Variants in KCTD2 observed in about 807,000 individuals in gnomAD.
KCTD2 encodes BTB/POZ domain-containing protein KCTD2.
A neutral mutation model predicts 27.9 loss-of-function variants in KCTD2; 18 were observed. The observed-to-expected ratio is 0.64, with a 90% CI of 0.45 to 0.96. KCTD2 has a LOEUF of 0.96. KCTD2 is among the 40% of genes least tolerant of loss of function. KCTD2 has a pLI of 0.00. For synonymous variants in KCTD2, 175 were observed against 148.4 expected (o/e 1.18, Z -1.30); for missense variants, 280 against 348.0 (o/e 0.80, Z 1.56).
rs2073422409 is a variant in KCTD2 at position 75,063,199 on chromosome 17, A to G, written c.*152A>G. On this transcript the variant is annotated 3_prime_UTR_variant, in exon 6 of 6. Transcript: ENST00000322444. The stretch of plus-strand genomic sequence containing the variant: ...GAAGTGTTCTGGTCAAAACTAAAGG[A>G]ACTCCCTCCCCACCTGCAGGACTCC... 2 of 730,334 alleles carry G rather than the reference A, an allele frequency of 2.7e-6. No individual in the cohort carries two copies. Among genetic ancestry groups the G allele is most frequent in the Non-Finnish European group, 4.8e-6 (2 of 418,710 alleles). The allele number at this position is 730,334 out of a possible 1,614,324, so 45.2% of individuals were successfully genotyped here. A position where few individuals can be genotyped will look rare whatever the true frequency, so the allele number is the denominator to read the frequency against.
upstream of KCTD2, chr17:75,042,793 A>C (rs2073174077): frequency 3.2e-6 from 3 of 942,514 alleles, no homozygotes; most frequent in Non-Finnish European, 4.6e-6. Flanking sequence ...CTTCACAAGA[A>C]TCACTTGAAC....
intron 3 of KCTD2, chr17:75,039,596 C>G: frequency 3.0e-6 from 1 of 332,250 alleles, no homozygotes; most frequent in South Asian, 4.7e-5. Context: ...CCTAGCCAGA[C>G]TTCTCTCTGG....
chr17:75,037,131 T>TC (rs2073110104), intron 3 of KCTD2, among the ~76,000 whole-genome samples: 1 of 151,964 alleles, frequency 6.6e-6, no homozygotes, highest in Admixed American at 6.6e-5. Context: ...GATCACGAGG[T>TC]CAGGAGATCG....
intron 2 of KCTD2, among the ~76,000 whole-genome samples, 185 bp downstream of exon 2, chr17:75,049,513 G>T (rs191822744): frequency 6.6e-6 from 1 of 152,306 alleles, no homozygotes; most frequent in East Asian, 1.9e-4. Context: ...AGCCTCCTTA[G>T]GCTTTGTTCA....
intron 4 of KCTD2, chr17:75,060,399 T>G (rs945797180): frequency 1.8e-5 from 27 of 1,540,544 alleles, no homozygotes; most frequent in Non-Finnish European, 2.3e-5. Flanking sequence ...CCTCTGCCAC[T>G]TATTAACTGG....
At chr17:75,036,088 C>G in intron 3 of KCTD2, 1 of 453,604 alleles carries the variant, frequency 2.2e-6, no homozygotes, top group Non-Finnish European at 4.4e-6. Context: ...GAGTCTCGCT[C>G]TGTCACCCAG....
intron 4 of KCTD2, among the ~76,000 whole-genome samples, chr17:75,061,467 G>A (rs748735120): frequency 5.9e-5 from 9 of 152,142 alleles, no homozygotes; most frequent in Non-Finnish European, 1.2e-4. Context: ...GCAACATAGC[G>A]AGACCCCCCT....
intron 1 of KCTD2, 105 bp from the exon 2 acceptor site, chr17:75,049,115 G>C: frequency 3.0e-6 from 2 of 656,912 alleles, no homozygotes; most frequent in Non-Finnish European, 5.2e-6. Flanking sequence ...CTGATGGAAT[G>C]AATTGTTGTC....
At chr17:75,051,101 G>A (rs1176280915) in intron 2 of KCTD2, among the ~76,000 whole-genome samples, 1 of 150,854 alleles carries the variant, frequency 6.6e-6, no homozygotes. Flanking sequence ...AGCCTCCCGA[G>A]TAGCTGGGAC....
intron 1 of KCTD2, among the ~76,000 whole-genome samples, chr17:75,047,812 C>T (rs1268785338): frequency 1.3e-5 from 2 of 152,126 alleles, no homozygotes; most frequent in African/African-American, 2.4e-5. Flanking sequence ...CCCCGCCCTT[C>T]GTTCTCTGAG....
At position 75,053,858 on chromosome 17, in the gene KCTD2, C is replaced by CTTTTTTTTTTTTTTT. The variant is rs71159419; in HGVS notation, c.540+765_540+779dup. Among the ~76,000 whole-genome samples, 12 of 59,322 alleles carry CTTTTTTTTTTTTTTT rather than the reference C, an allele frequency of 2.0e-4. 2 individuals carry two copies. Among genetic ancestry groups the CTTTTTTTTTTTTTTT allele is most frequent in the African/African-American group, 6.8e-4 (7 of 10,350 alleles). 38.9% of individuals were successfully genotyped at this position (59,322 alleles called of 152,430 possible). ...CTTCAGCAGCTGCTTGTGAACCATGCTTTTTTTTTTTTTTTTTTTTTTTTT... is the reference window on the plus strand; with the variant it reads ...CTTCAGCAGCTGCTTGTGAACCATGCTTTTTTTTTTTTTTTTTTTTTTTTTTTTTTTTTTTTTTTT... On this transcript the variant is annotated intron_variant, in intron 3 of 5. Transcript: ENST00000322444.
rs775277581 is a variant in KCTD2, at chr17:75,047,614, C to A, written c.339+25C>A. 1.9e-6 allele frequency: 3 copies of A among 1,593,104 alleles called. No individual in the cohort carries two copies. The East Asian group carries it at 6.9e-5, about 37-fold the overall frequency. ...GGTGTGCCCCGCCCTCGGGCGCGCC[C>A]CCGGGCCTTCGAACCCCCTGGTTTC... On this transcript the variant is annotated intron_variant, in intron 1 of 5. Coordinates refer to ENST00000322444, the MANE Select transcript of KCTD2 (RefSeq NM_015353.3).
intron 3 of KCTD2, chr17:75,040,329 A>C: frequency 5.6e-6 from 4 of 712,690 alleles, no homozygotes; most frequent in Non-Finnish European, 7.4e-6. Context: ...TACGCATCTC[A>C]ATACTGGAGT....
At chr17:75,057,937 G>A (rs371078821) in intron 3 of KCTD2, among the ~76,000 whole-genome samples, 58 of 151,472 alleles carry the variant, frequency 3.8e-4, no homozygotes, top group Admixed American at 7.9e-4. Context: ...GCTCATGCCT[G>A]TAATCCCAGC....
intron 4 of KCTD2, 147 bp from the exon 5 acceptor site, chr17:75,061,973 G>T: frequency 1.2e-6 from 1 of 809,396 alleles, no homozygotes; most frequent in East Asian, 3.2e-5. Context: ...TTCTCCCCGG[G>T]GGCTTTGGTA....
In KCTD2 at chr17:75,064,567, A is replaced by C. The variant is rs966731624; in HGVS notation, c.*1520A>C. ...TCTGACCTGACCATGCCCAGATGGC[A>C]TAACTTTTCCCTAGGACCCTCAGTC... On this transcript the variant is annotated 3_prime_UTR_variant, in exon 6 of 6. Transcript: ENST00000322444. 1 of 152,242 alleles carries C rather than the reference A, an allele frequency of 6.6e-6. No homozygotes were observed. The highest frequency in any genetic ancestry group is 2.1e-4 in the South Asian group (1 of 4,832). 9.4% of individuals were successfully genotyped at this position (152,242 alleles called of 1,614,324 possible).
upstream of KCTD2, among the ~76,000 whole-genome samples, chr17:75,045,284 C>T (rs2073202172): frequency 6.6e-6 from 1 of 152,202 alleles, no homozygotes; most frequent in Non-Finnish European, 1.5e-5. Flanking sequence ...GGTGAGATCA[C>T]AAGACCACAG....
At chr17:75,047,800 G>A (rs1193246474) in intron 1 of KCTD2, among the ~76,000 whole-genome samples, 6 of 151,122 alleles carry the variant, frequency 4.0e-5, no homozygotes, top group Admixed American at 2.0e-4. Flanking sequence ...CTTTCTCCCC[G>A]ACCCCGCCCT....
intron 4 of KCTD2, chr17:75,060,604 T>C: frequency 6.2e-7 from 1 of 1,604,706 alleles, no homozygotes; most frequent in African/African-American, 1.3e-5. Flanking sequence ...GCCTCCCCGC[T>C]CTGGCTCGCC....
Sources: allele counts gnomAD v4.1 joint callset (sites outside exome capture counted in the v4.1 genomes callset), GRCh38; gene constraint gnomAD v4.1.1; transcripts MANE v1.5; gene names NCBI Gene and HGNC (gene_info 2026-07-23, HGNC 2026-07-21).